KAZN: variants seen among roughly 807,000 people sequenced by gnomAD.
KAZN encodes the protein kazrin.
A neutral mutation model predicts 87.4 loss-of-function variants in KAZN; 40 were observed. The ratio of observed to expected loss-of-function variants is 0.46; its 90% CI spans 0.36 to 0.60. The LOEUF (loss-of-function observed/expected upper bound fraction) is 0.60, where lower values mean the gene tolerates loss of function less well. Among genes scored for constraint, KAZN ranks in the 20% least tolerant of loss-of-function variants. The pLI, the probability that KAZN is intolerant of heterozygous loss-of-function variation, is 0.00. For missense variants in KAZN, 898 were observed against 1,073.9 expected, an observed-to-expected ratio of 0.84 and a Z score of 2.29; for synonymous variants, 466 against 458.3, an observed-to-expected ratio of 1.02 and a Z score of -0.22.
chr1:14,885,618 T>TA (rs1653955129), intron 1 of KAZN, among the ~76,000 whole-genome samples: 1 of 152,058 alleles, frequency 6.6e-6, no homozygotes, highest in South Asian at 2.1e-4. Flanking sequence ...AAAGTGCTAT[T>TA]ATTACAGGAG....
In KAZN at chr1:14,348,004, G is replaced by C. The variant is rs571900990; in HGVS notation, c.249+167412G>C. Among the ~76,000 whole-genome samples the C allele has an allele frequency of 4.7e-5, 7 of 149,270 alleles. No homozygotes were observed. The South Asian group carries it at 1.5e-3, about 32-fold the overall frequency. ...AGGCTCGAGTGATCCTCCCACCTCA[G>C]CCTCCTGAGAGCTGGGACTACAGGT... On this transcript the variant is annotated intron_variant, in intron 2 of 16. Coordinates refer to the KAZN transcript ENST00000636203.
chr1:14,969,167 G>A (rs527287690), intron 2 of KAZN, among the ~76,000 whole-genome samples: 5 of 152,330 alleles, frequency 3.3e-5, no homozygotes, highest in African/African-American at 1.2e-4. Flanking sequence ...TGAATAGAAC[G>A]ATGTGTCATC....
intron 2 of KAZN, among the ~76,000 whole-genome samples, chr1:14,276,678 A>T (rs555938728): frequency 5.6e-4 from 85 of 152,274 alleles, no homozygotes; most frequent in African/African-American, 2.0e-3. Flanking sequence ...CTATAAAAAC[A>T]CCAGTCATCC....
intron 1 of KAZN, among the ~76,000 whole-genome samples, chr1:14,737,192 G>C (rs913036145): frequency 6.7e-6 from 1 of 150,028 alleles, no homozygotes; most frequent in Non-Finnish European, 1.5e-5. Flanking sequence ...GATCTCTGGG[G>C]AAGGCACGCA....
At chr1:13,975,385 G>A (rs1442478493) in intron 1 of KAZN, among the ~76,000 whole-genome samples, 1 of 152,202 alleles carries the variant, frequency 6.6e-6, no homozygotes, top group African/African-American at 2.4e-5. Context: ...GAGTGAGAAA[G>A]GAGCTTCAGA....
rs562959580 is a variant in KAZN at position 13,975,678 on chromosome 1, A to C, written c.91+81922A>C. 4.6e-5 allele frequency among the ~76,000 whole-genome samples: 7 copies of C among 152,308 alleles called. 1 individual carries two copies. In the South Asian group the frequency reaches 1.2e-3, roughly 27 times the overall value. On this transcript the variant is annotated intron_variant, in intron 1 of 16. Transcript: ENST00000636203. Reference sequence around the variant, plus strand: ...TACATTTCCTTAAACAAAACTTAACACACCGGCAGGTAGATAGTATTGACT... The same window carrying C: ...TACATTTCCTTAAACAAAACTTAACCCACCGGCAGGTAGATAGTATTGACT...
At chr1:14,918,693 AAAAAAAAAAAAAAAATATATATAT>A (rs1338117071) in intron 1 of KAZN, among the ~76,000 whole-genome samples, 4 of 13,558 alleles carry the variant, frequency 3.0e-4, no homozygotes, top group African/African-American at 8.6e-4. Context: ...AAAAAAAAAA[AAAAAAAAAAAAAAAATATATATAT>A]ATATATATAT....
chr1:14,377,076 CATT>C (rs1660970548), intron 2 of KAZN, among the ~76,000 whole-genome samples: 1 of 2,632 alleles, frequency 3.8e-4, no homozygotes, highest in African/African-American at 1.1e-3. Context: ...GCTACTTAGC[CATT>C]CTCCCATTCT....
At chr1:14,926,662 C>G (rs1036105236) in intron 1 of KAZN, among the ~76,000 whole-genome samples, 2 of 152,214 alleles carry the variant, frequency 1.3e-5, no homozygotes, top group African/African-American at 4.8e-5. Flanking sequence ...GGAAATGGTT[C>G]TGAAACCATC....
chr1:14,185,829 T>A (rs1452468769), intron 2 of KAZN, among the ~76,000 whole-genome samples: 3 of 152,204 alleles, frequency 2.0e-5, no homozygotes, highest in Non-Finnish European at 2.9e-5. Context: ...AGGGTTTTTT[T>A]AAATTGATAG....
chr1:14,592,980 C>A (rs1676293761), intron 2 of KAZN, among the ~76,000 whole-genome samples: 1 of 152,166 alleles, frequency 6.6e-6, no homozygotes, highest in Non-Finnish European at 1.5e-5. Flanking sequence ...TATCTGAGTC[C>A]TGGCCCCCAG....
chr1:13,985,995 G>A (rs1638997840), intron 1 of KAZN, among the ~76,000 whole-genome samples: 1 of 152,094 alleles, frequency 6.6e-6, no homozygotes, highest in African/African-American at 2.4e-5. Flanking sequence ...TTTTTGTGTG[G>A]GCATAAGTTT....
chr1:14,264,637 G>C (rs1461241510), intron 2 of KAZN, among the ~76,000 whole-genome samples: 2 of 152,090 alleles, frequency 1.3e-5, no homozygotes, highest in Non-Finnish European at 2.9e-5. Context: ...CAAGATGCTG[G>C]TACCTTGTTA....
intron 2 of KAZN, among the ~76,000 whole-genome samples, chr1:14,238,665 G>A (rs896033687): frequency 7.9e-5 from 12 of 152,256 alleles, no homozygotes; most frequent in Non-Finnish European, 1.5e-4. Flanking sequence ...ATTTGCTAAA[G>A]CACTACAGCT....
At chr1:14,573,472 C>A (rs1371146688) in intron 2 of KAZN, among the ~76,000 whole-genome samples, 1 of 152,016 alleles carries the variant, frequency 6.6e-6, no homozygotes, top group Non-Finnish European at 1.5e-5. Flanking sequence ...ATGGTGAAAC[C>A]CCGTCTCTAC....
chr1:13,924,015 A>G (rs75788399), intron 1 of KAZN, among the ~76,000 whole-genome samples: 3,746 of 152,112 alleles, frequency 0.025, 82 homozygotes, highest in Non-Finnish European at 0.04. Flanking sequence ...TAGAGAATGG[A>G]TGGGAGGGCC....
intron 1 of KAZN, among the ~76,000 whole-genome samples, chr1:14,937,418 CA>C (rs1173093635): frequency 2.0e-5 from 3 of 152,204 alleles, no homozygotes; most frequent in Non-Finnish European, 4.4e-5. Context: ...CAAGGACTAG[CA>C]AATCAGTTGC....
intron 2 of KAZN, among the ~76,000 whole-genome samples, chr1:14,299,995 T>C (rs1654425275): frequency 6.6e-6 from 1 of 151,026 alleles, no homozygotes; most frequent in Non-Finnish European, 1.5e-5. Flanking sequence ...TTTGTGGGGG[T>C]AGGAGGGGGA....
At chr1:14,580,381 A>G (rs1368110659) in intron 2 of KAZN, among the ~76,000 whole-genome samples, 1 of 152,176 alleles carries the variant, frequency 6.6e-6, no homozygotes, top group Non-Finnish European at 1.5e-5. Context: ...AGGCTGAGGC[A>G]GGAGAATTGC....
Sources: gnomAD v4.1 joint callset for allele counts (sites outside exome capture counted in the v4.1 genomes callset) on GRCh38, gnomAD v4.1.1 for gene constraint, MANE v1.5 for transcripts, NCBI Gene and HGNC (gene_info 2026-07-23, HGNC 2026-07-21) for gene names.